Variants in UNC5D observed in about 807,000 individuals in gnomAD.
UNC5D encodes netrin receptor UNC5D.
A neutral mutation model predicts 105.4 loss-of-function variants in UNC5D; 39 were observed. That is an observed-to-expected ratio of 0.37 (90% CI 0.29 to 0.48). UNC5D has a LOEUF of 0.48. Among genes scored for constraint, UNC5D ranks in the 20% least tolerant of loss-of-function variants. The pLI is 0.98. For missense variants in UNC5D, 991 were observed against 1,202.4 expected (o/e 0.82, Z 2.60); for synonymous variants, 452 against 450.4 (o/e 1.00, Z -0.04).
Position 35,415,936 on chromosome 8 carries a change from G to GCA in UNC5D, c.104-133355_104-133354dup, listed in dbSNP as rs529146694. 9.1e-4 allele frequency among the ~76,000 whole-genome samples: 139 copies of GCA among 152,206 alleles called. No individual in the cohort carries two copies. In the South Asian group the frequency reaches 0.01, roughly 11 times the overall value. ...TTGATTTGTGCTGGACATTTACCTT[G>GCA]CAAACTGTAAAGTGCTGAGCAAAGT... is the stretch of plus-strand genomic sequence containing the variant. On this transcript the variant is annotated intron_variant, in intron 1 of 16. Coordinates refer to ENST00000404895, the MANE Select transcript of UNC5D (RefSeq NM_080872.4).
intron 1 of UNC5D, among the ~76,000 whole-genome samples, chr8:35,331,178 G>C (rs12542495): frequency 0.44 from 66,177 of 151,932 alleles, 14,696 homozygotes; most frequent in East Asian, 0.7. Flanking sequence ...TCACGACCCT[G>C]TATAGATTAT....
At chr8:35,359,668 C>T (rs1801753695) in intron 1 of UNC5D, among the ~76,000 whole-genome samples, 1 of 152,132 alleles carries the variant, frequency 6.6e-6, no homozygotes, top group African/African-American at 2.4e-5. Flanking sequence ...ATTCTCTAGC[C>T]CCTCAGCAAT....
At chr8:35,448,142 A>AT (rs1228365989) in intron 1 of UNC5D, among the ~76,000 whole-genome samples, 9 of 152,076 alleles carry the variant, frequency 5.9e-5, no homozygotes, top group Admixed American at 1.3e-4. Context: ...GAGTTAAAAA[A>AT]ATATATATTC....
intron 1 of UNC5D, among the ~76,000 whole-genome samples, chr8:35,275,423 A>C (rs2128841436): frequency 6.6e-6 from 1 of 152,298 alleles, no homozygotes; most frequent in South Asian, 2.1e-4. Context: ...TATCATTGTG[A>C]CAAGTCAATG....
At chr8:35,396,644 T>G (rs1280268222) in intron 1 of UNC5D, among the ~76,000 whole-genome samples, 1 of 152,070 alleles carries the variant, frequency 6.6e-6, no homozygotes, top group Non-Finnish European at 1.5e-5. Context: ...ATTACAGGCA[T>G]GCGCCATCAC....
intron 9 of UNC5D, chr8:35,724,111 G>A (rs1647385173): frequency 1.4e-6 from 2 of 1,395,402 alleles, no homozygotes; most frequent in Non-Finnish European, 1.9e-6. Flanking sequence ...CAGGTGAGAA[G>A]GGTGGATCCC....
Position 35,240,786 on chromosome 8 carries a change from A to C in UNC5D, c.103+4899A>C, listed in dbSNP as rs547165914. 2.6e-5 allele frequency among the ~76,000 whole-genome samples: 4 copies of C among 152,344 alleles called. No individual in the cohort carries two copies. In the South Asian group the frequency reaches 8.3e-4, roughly 32 times the overall value. ...ACTATCAAGAGGCATAGAGGAATTT[A>C]GAGTACCTTAAATAAGTCTATAAAT... On this transcript the variant is annotated intron_variant, in intron 1 of 16. Transcript: ENST00000404895.
intron 13 of UNC5D, among the ~76,000 whole-genome samples, chr8:35,754,149 G>C (rs914969968): frequency 6.6e-6 from 1 of 152,142 alleles, no homozygotes; most frequent in Non-Finnish European, 1.5e-5. Context: ...TCACAAATTA[G>C]TATTTAGCTC....
intron 14 of UNC5D, among the ~76,000 whole-genome samples, chr8:35,762,223 A>G (rs572103916): frequency 1.3e-4 from 20 of 152,236 alleles, no homozygotes; most frequent in South Asian, 2.1e-4. Context: ...TGTTTTCCCT[A>G]TCAGACACCA....
In UNC5D at chr8:35,734,272, G is replaced by T. The variant is rs112596813; in HGVS notation, c.1766+3176G>T. ...ATGTAAGCCATCCATGCTAGATGTGGCCTCCTCCCCTCCACAGTGCTTTAC... is the reference window on the plus strand; with the variant it reads ...ATGTAAGCCATCCATGCTAGATGTGTCCTCCTCCCCTCCACAGTGCTTTAC... On this transcript the variant is annotated intron_variant, in intron 11 of 16. Coordinates refer to ENST00000404895, the MANE Select transcript of UNC5D (RefSeq NM_080872.4). 6.0e-5 allele frequency among the ~76,000 whole-genome samples: 8 copies of T among 134,080 alleles called. No homozygotes were observed. In the South Asian group the frequency reaches 1.9e-3, roughly 31 times the overall value. 88.0% of individuals were successfully genotyped at this position (134,080 alleles called of 152,430 possible).
chr8:35,785,948 G>T (rs1780880140), intron 16 of UNC5D, among the ~76,000 whole-genome samples: 1 of 151,982 alleles, frequency 6.6e-6, no homozygotes, highest in South Asian at 2.1e-4. Flanking sequence ...CCCTTATAAG[G>T]TTATACCCTC....
chr8:35,741,772 T>TG (rs1233532040), intron 11 of UNC5D, among the ~76,000 whole-genome samples: 119 of 152,214 alleles, frequency 7.8e-4, no homozygotes, highest in African/African-American at 2.8e-3. Flanking sequence ...GATGTTGCTT[T>TG]GGATTTTTTT....
chr8:35,442,579 G>A (rs550723484), intron 1 of UNC5D, among the ~76,000 whole-genome samples: 142 of 151,898 alleles, frequency 9.3e-4, no homozygotes, highest in African/African-American at 2.2e-3. Context: ...TCAAATGTCC[G>A]GTCTTTGTAT....
rs764595204 is a variant in UNC5D, at chr8:35,568,195, C to T, written c.420C>T (p.Ser140=). 2 of 1,614,124 alleles carry T rather than the reference C, an allele frequency of 1.2e-6. No homozygotes were observed. The highest frequency in any genetic ancestry group is 4.5e-5 in the East Asian group (2 of 44,864). The part of the protein sequence containing the change: ...EDYWCQCVAW[S]HLGTSKSRKA... ...ATTGGTGCCAGTGTGTGGCGTGGAGCCACCTGGGTACCTCCAAGAGCAGGA... is the reference window on the plus strand; with the variant it reads ...ATTGGTGCCAGTGTGTGGCGTGGAGTCACCTGGGTACCTCCAAGAGCAGGA... Residue 140 remains serine (S), a synonymous_variant, in exon 3 of 17, where the codon AGC becomes AGT. Coordinates refer to ENST00000404895, the MANE Select transcript of UNC5D (RefSeq NM_080872.4).
chr8:35,316,049 G>A (rs1250817208), intron 1 of UNC5D, among the ~76,000 whole-genome samples: 1 of 152,130 alleles, frequency 6.6e-6, no homozygotes, highest in Non-Finnish European at 1.5e-5. Flanking sequence ...GTATTATAGG[G>A]AGGCACGATT....
chr8:35,690,329 A>G (rs776527687), intron 7 of UNC5D, among the ~76,000 whole-genome samples: 29 of 152,276 alleles, frequency 1.9e-4, no homozygotes, highest in Non-Finnish European at 3.5e-4. Flanking sequence ...GACTACCTAT[A>G]TCAACAAAAA....
chr8:35,392,472 C>A (rs1803836350), intron 1 of UNC5D, among the ~76,000 whole-genome samples: 1 of 152,150 alleles, frequency 6.6e-6, no homozygotes, highest in South Asian at 2.1e-4. Context: ...TCCCACCTTG[C>A]CTTTCAAAAG....
At chr8:35,477,257 A>T (rs1227738785) in intron 1 of UNC5D, among the ~76,000 whole-genome samples, 1 of 152,032 alleles carries the variant, frequency 6.6e-6, no homozygotes, top group Non-Finnish European at 1.5e-5. Flanking sequence ...TTAGTTTAAG[A>T]ATTTCCTTTT....
intron 1 of UNC5D, among the ~76,000 whole-genome samples, chr8:35,438,601 C>CA (rs1235984927): frequency 6.6e-6 from 1 of 151,246 alleles, no homozygotes; most frequent in Non-Finnish European, 1.5e-5. Flanking sequence ...TGTGTGTACA[C>CA]ATTTTTTTTT....
Sources: gnomAD v4.1 joint callset for allele counts (sites outside exome capture counted in the v4.1 genomes callset) on GRCh38, gnomAD v4.1.1 for gene constraint, MANE v1.5 for transcripts, NCBI Gene and HGNC (gene_info 2026-07-23, HGNC 2026-07-21) for gene names.